FNTB: variants seen among roughly 807,000 people sequenced by gnomAD.
The protein encoded by FNTB is protein farnesyltransferase subunit beta.
Under a neutral mutation model 59.4 loss-of-function variants are expected in FNTB, and 27 were observed. The observed-to-expected ratio is 0.45, with a 90% CI of 0.34 to 0.63. The LOEUF (loss-of-function observed/expected upper bound fraction) is 0.63, where lower values mean the gene tolerates loss of function less well. Among genes scored for constraint, FNTB ranks in the 20% least tolerant of loss-of-function variants. The pLI is 0.02. For synonymous variants in FNTB, 230 were observed against 220.7 expected (o/e 1.04, Z -0.37); for missense variants, 449 against 559.6 (o/e 0.80, Z 1.99).
chr14:65,053,318 C>T lies in FNTB; in HGVS notation c.1036C>T (p.Pro346Ser). 1.4e-6 allele frequency: 2 copies of T among 1,444,770 alleles called. No homozygotes were observed. Among genetic ancestry groups the T allele is most frequent in the Non-Finnish European group, 1.8e-6 (2 of 1,091,880 alleles). The allele number at this position is 1,444,770 out of a possible 1,614,324, so 89.5% of individuals were successfully genotyped here. A position where few individuals can be genotyped will look rare whatever the true frequency, so the allele number is the denominator to read the frequency against. ...GTACATCCTGATGTGCTGCCAGTGCCCTGCGGGGGGGCTTCTGGATAAACC... is the reference window on the plus strand; with the variant it reads ...GTACATCCTGATGTGCTGCCAGTGCTCTGCGGGGGGGCTTCTGGATAAACC... ...QEYILMCCQC[P>S]AGGLLDKPGK... The change falls in exon 10 of 12, where the codon CCT becomes TCT. Residue 346 changes from proline (P) to serine (S), a missense_variant. Transcript: ENST00000246166.
rs1368947681 is a variant in FNTB, at chr14:65,054,303, G to T, written c.1068-272G>T. Among the ~76,000 whole-genome samples, 3 of 151,722 alleles carry T rather than the reference G, an allele frequency of 2.0e-5. No homozygotes were observed. Among genetic ancestry groups the T allele is most frequent in the African/African-American group, 7.3e-5 (3 of 41,284 alleles). ...AATTTTTAATTTTTTGTAGAGACGG[G>T]GTCTCCCATGTTGCCCAAGTTGGTT... On this transcript the variant is annotated intron_variant, in intron 10 of 11. Transcript: ENST00000246166. This position sits in a 1 kb window ranked among gnomAD's most constrained non-coding sequence, Gnocchi z 4.4.
intron 1 of FNTB, chr14:64,987,451 G>C (rs539496750): frequency 3.2e-6 from 1 of 316,300 alleles, no homozygotes; most frequent in South Asian, 3.6e-5. Flanking sequence ...GAGGTTCTGG[G>C]GTGCATAGTG....
rs1206198282 is a variant in FNTB at position 64,990,706 on chromosome 14, A to G, written c.144+3609A>G. Among the ~76,000 whole-genome samples, 1 of 152,142 alleles carries G rather than the reference A, an allele frequency of 6.6e-6. No individual in the cohort carries two copies. Among genetic ancestry groups the G allele is most frequent in the Non-Finnish European group, 1.5e-5 (1 of 68,032 alleles). On this transcript the variant is annotated intron_variant, in intron 1 of 11. Transcript: ENST00000246166. This position sits in a 1 kb window ranked among gnomAD's most constrained non-coding sequence, Gnocchi z 5.2. ...ATGATCAGAGAGTTTTGAGCAGGGG[A>G]GTGACACAGTCTGACTAGCATTTTA...
At chr14:65,056,655 G>A (rs1227619254) in intron 11 of FNTB, among the ~76,000 whole-genome samples, 2 of 152,130 alleles carry the variant, frequency 1.3e-5, no homozygotes, top group Non-Finnish European at 2.9e-5. Flanking sequence ...CATATTCTGT[G>A]CTCATTTTCT....
intron 4 of FNTB, among the ~76,000 whole-genome samples, chr14:65,025,513 G>A (rs1256362559): frequency 6.6e-6 from 1 of 152,134 alleles, no homozygotes; most frequent in Non-Finnish European, 1.5e-5. Context: ...GAAATTAATT[G>A]CTGTTAAAAA....
In FNTB at chr14:65,061,232, A is replaced by G. The variant is rs374684226; in HGVS notation, c.1234A>G (p.Thr412Ala). The change falls in exon 12 of 12, where the codon ACT (threonine) becomes GCT (alanine). Residue 412 changes from threonine to alanine, a missense_variant. Coordinates refer to ENST00000246166, the MANE Select transcript of FNTB (RefSeq NM_002028.4). ...NIGPDKVIQA[T>A]TYFLQKPVPG... is the part of the protein sequence containing the mutation. ...TGGACCAGACAAGGTGATCCAGGCC[A>G]CTACATACTTTCTACAGAAGCCAGT... 7.6e-5 allele frequency: 123 copies of G among 1,614,068 alleles called. No homozygotes were observed. The highest frequency in any genetic ancestry group is 3.8e-5 in the Non-Finnish European group (45 of 1,180,048).
intron 4 of FNTB, among the ~76,000 whole-genome samples, chr14:65,020,889 G>T (rs1404198200): frequency 6.6e-6 from 1 of 151,584 alleles, no homozygotes; most frequent in Non-Finnish European, 1.5e-5. Context: ...GTGCCACCAC[G>T]CCCAGCTAAT....
intron 11 of FNTB, 142 bp from the exon 12 acceptor site, chr14:65,061,039 C>T (rs754991851): frequency 8.7e-5 from 119 of 1,365,898 alleles, no homozygotes; most frequent in Non-Finnish European, 1.1e-4. Flanking sequence ...AGCAAATACA[C>T]CATTTTTGAA....
At chr14:65,003,246 C>G (rs146064724) in intron 1 of FNTB, 2 of 152,192 alleles carry the variant, frequency 1.3e-5, no homozygotes, top group Non-Finnish European at 2.9e-5. Context: ...TTTGGTGTTT[C>G]AACAATTGAT....
At chr14:65,018,958 A>G (rs2061834024) in intron 4 of FNTB, among the ~76,000 whole-genome samples, 1 of 152,176 alleles carries the variant, frequency 6.6e-6, no homozygotes, top group South Asian at 2.1e-4. Context: ...TAAAAATACA[A>G]AATTAGCCAA....
intron 7 of FNTB, among the ~76,000 whole-genome samples, chr14:65,038,410 AAAAT>A (rs763143449): frequency 1.5e-4 from 22 of 150,832 alleles, no homozygotes; most frequent in East Asian, 7.9e-4. Context: ...ACTCCATCTC[AAAAT>A]AAATAAATAA....
chr14:65,021,786 C>G (rs546559007), intron 4 of FNTB, among the ~76,000 whole-genome samples: 1 of 152,190 alleles, frequency 6.6e-6, no homozygotes, highest in South Asian at 2.1e-4. Flanking sequence ...GCTGGGACTA[C>G]GGGCGCATGC....
At chr14:65,039,167 C>T (rs1162606068) in intron 7 of FNTB, among the ~76,000 whole-genome samples, 1 of 152,180 alleles carries the variant, frequency 6.6e-6, no homozygotes, top group African/African-American at 2.4e-5. Context: ...TCAAGCCATT[C>T]ATTGGGGAAT....
At chr14:65,055,841 A>C (rs76233722) in intron 11 of FNTB, among the ~76,000 whole-genome samples, 4,218 of 152,260 alleles carry the variant, frequency 0.028, 81 homozygotes, top group Middle Eastern at 0.088. Flanking sequence ...TTTAATTGGG[A>C]AACATTTCAA....
chr14:64,999,302 G>C (rs1290629391), intron 1 of FNTB, among the ~76,000 whole-genome samples: 1 of 152,222 alleles, frequency 6.6e-6, no homozygotes, highest in Non-Finnish European at 1.5e-5. Flanking sequence ...GCCAGGCATG[G>C]TGGTGGGTGC....
chr14:65,016,973 G>A (rs1401094218), intron 4 of FNTB, among the ~76,000 whole-genome samples: 1 of 149,990 alleles, frequency 6.7e-6, no homozygotes, highest in African/African-American at 2.5e-5. Context: ...CCCAGGCTGG[G>A]GTGCAGTGGC....
chr14:65,019,187 G>T (rs1400731824), intron 4 of FNTB, among the ~76,000 whole-genome samples: 3 of 148,818 alleles, frequency 2.0e-5, no homozygotes, highest in African/African-American at 7.5e-5. Flanking sequence ...AAAAGAAAAA[G>T]AAAAAGAAGA....
At chr14:65,045,792 A>C (rs1200199172) in intron 9 of FNTB, among the ~76,000 whole-genome samples, 1 of 152,170 alleles carries the variant, frequency 6.6e-6, no homozygotes, top group Non-Finnish European at 1.5e-5. Context: ...AATTAAAGTA[A>C]GCAGAGCCTC....
At position 65,012,830 on chromosome 14, in the gene FNTB, A is replaced by C. The variant is rs2061705303; in HGVS notation, c.282+441A>C. ...TCCAACTTCACCACTCCTTCTAGTA[A>C]GTACATTACTTTTCATATCTTCATT... On this transcript the variant is annotated intron_variant, in intron 3 of 11. Coordinates refer to ENST00000246166, the MANE Select transcript of FNTB (RefSeq NM_002028.4). The surrounding 1 kb of genome is among the most constrained non-coding windows in gnomAD (Gnocchi z 5.0). Among the ~76,000 whole-genome samples the C allele has an allele frequency of 2.6e-5, 4 of 152,210 alleles. No homozygotes were observed. Among genetic ancestry groups the C allele is most frequent in the Admixed American group, 2.6e-4 (4 of 15,288 alleles).
Sources: allele counts gnomAD v4.1 joint callset (sites outside exome capture counted in the v4.1 genomes callset), GRCh38; gene constraint gnomAD v4.1.1; non-coding constraint Gnocchi (gnomAD v3.1); transcripts MANE v1.5; gene names NCBI Gene and HGNC (gene_info 2026-07-23, HGNC 2026-07-21).